EFCAB6: variants seen among roughly 807,000 people sequenced by gnomAD.
EFCAB6 encodes the protein EF-hand calcium-binding domain-containing protein 6.
A neutral mutation model predicts 169.8 loss-of-function variants in EFCAB6; 156 were observed. The observed-to-expected ratio is 0.92, with a 90% CI of 0.81 to 1.05. The LOEUF (loss-of-function observed/expected upper bound fraction) is 1.05, where lower values mean the gene tolerates loss of function less well. Ranked by LOEUF, EFCAB6 falls within the 50% of genes least tolerant of loss-of-function variation. The pLI is 0.00. For missense variants in EFCAB6, 1,800 were observed against 1,829.1 expected (o/e 0.98, Z 0.29); for synonymous variants, 698 against 676.4 (o/e 1.03, Z -0.50).
intron 21 of EFCAB6, among the ~76,000 whole-genome samples, chr22:43,613,582 AG>A (rs926102689): frequency 6.6e-6 from 1 of 152,086 alleles, no homozygotes; most frequent in African/African-American, 2.4e-5. Context: ...GACACAAAGA[AG>A]GGAACAACAG....
chr22:43,558,337 G>A (rs73887341), intron 26 of EFCAB6, among the ~76,000 whole-genome samples: 6,216 of 152,148 alleles, frequency 0.041, 171 homozygotes, highest in South Asian at 0.063. Flanking sequence ...ATTCACAGTC[G>A]CATTAATGAC....
chr22:43,540,194 G>C lies in EFCAB6; in HGVS notation c.3812C>G (p.Thr1271Ser), dbSNP rs200812172. The change falls in exon 28 of 32, where the codon ACC (threonine) becomes AGC (serine). Residue 1271 changes from threonine to serine, a missense_variant. Thr to Ser is a moderately conservative substitution (Grantham distance 58). Coordinates refer to ENST00000262726, the MANE Select transcript of EFCAB6 (RefSeq NM_022785.4). ...AGTGGGCAATGAGAGGGCAGATCTG[G>C]TGCCTTCCGAGACGTCAGGGACACT... ...GSSVPDVSEG[T>S]RSALSLPTQE... is the part of the protein sequence containing the mutation. 1.1e-5 allele frequency: 18 copies of C among 1,614,202 alleles called. No individual in the cohort carries two copies. In the East Asian group the frequency reaches 4.0e-4, roughly 36 times the overall value.
rs1477372241 is a variant in EFCAB6, at chr22:43,668,960, T to C, written c.1726A>G (p.Thr576Ala). The change falls in exon 16 of 32, where the codon ACT becomes GCT. Residue 576 changes from threonine (T) to alanine (A), a missense_variant. Coordinates refer to ENST00000262726, the MANE Select transcript of EFCAB6 (RefSeq NM_022785.4). ...LACIGIDGPP[T>A]VSPVLVPKDQ... ...TTTGGAACAAGAACTGGAGAGACAGTGGGTGGGCCATCAATTCCTATGCAT... is the reference window on the plus strand; with the variant it reads ...TTTGGAACAAGAACTGGAGAGACAGCGGGTGGGCCATCAATTCCTATGCAT... The C allele has an allele frequency of 1.9e-5, 31 of 1,613,466 alleles. No homozygotes were observed. The highest frequency in any genetic ancestry group is 2.6e-5 in the Non-Finnish European group (31 of 1,179,790).
rs149507765 is a variant in EFCAB6, at chr22:43,792,938, C to T, written c.-7-10613G>A. On this transcript the variant is annotated intron_variant, in intron 2 of 31. Transcript: ENST00000262726. ...CACGCATTACCCGGCTCTCTAAGCACGTGGGGAACATCCACTGTTACTGCA... is the reference window on the plus strand; with the variant it reads ...CACGCATTACCCGGCTCTCTAAGCATGTGGGGAACATCCACTGTTACTGCA... Among the ~76,000 whole-genome samples the T allele has an allele frequency of 5.3e-3, 805 of 152,326 alleles. 11 individuals are homozygous for T. Among genetic ancestry groups the T allele is most frequent in the African/African-American group, 0.018 (757 of 41,560 alleles).
chr22:43,782,419 C>CT, intron 2 of EFCAB6, 94 bp from the exon 3 acceptor site: 1 of 1,073,196 alleles, frequency 9.3e-7, no homozygotes, highest in Admixed American at 2.3e-5. Flanking sequence ...GAAGGGACAG[C>CT]TGCAGAGTGT....
In EFCAB6 at chr22:43,741,418, G is replaced by A. The variant is rs559456701; in HGVS notation, c.508-5425C>T. 1.7e-4 allele frequency among the ~76,000 whole-genome samples: 26 copies of A among 152,156 alleles called. No homozygotes were observed. In the East Asian group the frequency reaches 2.7e-3, roughly 16 times the overall value. The stretch of plus-strand genomic sequence containing the variant: ...TGCTCATGCCTCCCTCCCTGCCTTC[G>A]TTCAGGTCTCCATCCCACGCTGCCG... On this transcript the variant is annotated intron_variant, in intron 6 of 31. Coordinates refer to ENST00000262726, the MANE Select transcript of EFCAB6 (RefSeq NM_022785.4).
At chr22:43,774,157 A>G (rs1254529296) in intron 3 of EFCAB6, among the ~76,000 whole-genome samples, 1 of 151,968 alleles carries the variant, frequency 6.6e-6, no homozygotes, top group Non-Finnish European at 1.5e-5. Context: ...CCTTTGAATG[A>G]AAATTTCTTA....
chr22:43,670,411 C>T lies in EFCAB6; in HGVS notation c.1641-1366G>A, dbSNP rs530877559. ...CTTTGCTCTGCCTCAGTTTCCTTATCTATGAAATGCAGATAATAAAAGTAC... is the reference window on the plus strand; with the variant it reads ...CTTTGCTCTGCCTCAGTTTCCTTATTTATGAAATGCAGATAATAAAAGTAC... On this transcript the variant is annotated intron_variant, in intron 15 of 31. Coordinates refer to ENST00000262726, the MANE Select transcript of EFCAB6 (RefSeq NM_022785.4). Among the ~76,000 whole-genome samples, 6 of 152,274 alleles carry T rather than the reference C, an allele frequency of 3.9e-5. No homozygotes were observed. The East Asian group carries it at 1.2e-3, about 29-fold the overall frequency.
At chr22:43,602,970 G>A (rs548556892) in intron 22 of EFCAB6, among the ~76,000 whole-genome samples, 3 of 151,822 alleles carry the variant, frequency 2.0e-5, no homozygotes, top group South Asian at 2.1e-4. Flanking sequence ...GTTTCTTGAG[G>A]AGAAACTATG....
chr22:43,717,993 G>A (rs2059392049), intron 8 of EFCAB6, among the ~76,000 whole-genome samples: 1 of 152,050 alleles, frequency 6.6e-6, no homozygotes, highest in African/African-American at 2.4e-5. Flanking sequence ...TGATTTTAAA[G>A]GGGTAATTAG....
intron 30 of EFCAB6, among the ~76,000 whole-genome samples, chr22:43,534,038 A>T (rs1396928356): frequency 6.6e-6 from 1 of 152,216 alleles, no homozygotes; most frequent in Non-Finnish European, 1.5e-5. Flanking sequence ...GGATTGCTTG[A>T]GCCCAGGAGT....
At chr22:43,652,185 A>C (rs1377984306) in intron 17 of EFCAB6, among the ~76,000 whole-genome samples, 1 of 152,058 alleles carries the variant, frequency 6.6e-6, no homozygotes, top group East Asian at 1.9e-4. Context: ...TTTGGGAGGG[A>C]CCTGGTGGGA....
chr22:43,677,925 T>A, intron 13 of EFCAB6, 71 bp downstream of exon 13: 1 of 1,455,446 alleles, frequency 6.9e-7, no homozygotes. Flanking sequence ...TTCACTTGCA[T>A]CTCTTATTAG....
intron 2 of EFCAB6, among the ~76,000 whole-genome samples, chr22:43,796,230 C>T (rs1240732264): frequency 6.6e-6 from 1 of 152,148 alleles, no homozygotes; most frequent in African/African-American, 2.4e-5. Context: ...ACACCCTCGA[C>T]CCCATGACTG....
intron 4 of EFCAB6, among the ~76,000 whole-genome samples, chr22:43,772,483 A>G (rs1468058389): frequency 6.6e-6 from 1 of 152,094 alleles, no homozygotes; most frequent in Non-Finnish European, 1.5e-5. Context: ...TACTAAAAAT[A>G]CAAAATTAGC....
chr22:43,557,825 G>T (rs752143147), intron 26 of EFCAB6, among the ~76,000 whole-genome samples: 8 of 152,072 alleles, frequency 5.3e-5, no homozygotes, highest in Admixed American at 5.2e-4. Flanking sequence ...GATCAACTAC[G>T]GTTTATTTCA....
intron 26 of EFCAB6, among the ~76,000 whole-genome samples, chr22:43,575,167 G>C (rs563398785): frequency 1.3e-3 from 171 of 134,514 alleles, no homozygotes; most frequent in Non-Finnish European, 2.4e-3. Context: ...TCAGTTAATA[G>C]ACTGTTTTTG....
rs371813662 is a variant in EFCAB6, at chr22:43,563,758, A to T, written c.3421-8662T>A. Among the ~76,000 whole-genome samples the T allele has an allele frequency of 1.6e-4, 24 of 152,318 alleles. No individual in the cohort carries two copies. The East Asian group carries it at 2.3e-3, about 15-fold the overall frequency. On this transcript the variant is annotated intron_variant, in intron 26 of 31. Coordinates refer to ENST00000262726, the MANE Select transcript of EFCAB6 (RefSeq NM_022785.4). Reference sequence around the variant, plus strand: ...TCCTGGCTAACACCAGGCTATCATGAATGATCCGAGGATGGTGCATCCTGG... The same window carrying T: ...TCCTGGCTAACACCAGGCTATCATGTATGATCCGAGGATGGTGCATCCTGG...
chr22:43,709,712 G>A (rs2059089621), intron 10 of EFCAB6, among the ~76,000 whole-genome samples: 1 of 152,128 alleles, frequency 6.6e-6, no homozygotes. Context: ...ATTATTATTT[G>A]CATAATTTTG....
Sources: allele counts gnomAD v4.1 joint callset (sites outside exome capture counted in the v4.1 genomes callset), GRCh38; gene constraint gnomAD v4.1.1; transcripts MANE v1.5; gene names NCBI Gene and HGNC (gene_info 2026-07-23, HGNC 2026-07-21).